The following PRDM16 variants were observed in gnomAD, a reference collection of about 807,000 sequenced individuals.
PRDM16 encodes histone-lysine N-methyltransferase PRDM16.
In PRDM16, 23 loss-of-function variants were observed where a neutral mutation model predicts 110.6. The ratio of observed to expected loss-of-function variants is 0.21; its 90% CI spans 0.15 to 0.29. The LOEUF is 0.29. Among genes scored for constraint, PRDM16 ranks in the 10% least tolerant of loss-of-function variants. The pLI, the probability that PRDM16 is intolerant of heterozygous loss-of-function variation, is 1.00. For synonymous variants in PRDM16, 799 were observed against 781.8 expected, an observed-to-expected ratio of 1.02 and a Z score of -0.37; for missense variants, 1,615 against 1,794.3, an observed-to-expected ratio of 0.90 and a Z score of 1.81.
In PRDM16 at chr1:3,390,654, C is replaced by T. The variant is rs754464749; in HGVS notation, c.573+5368C>T. Among the ~76,000 whole-genome samples, 9 of 152,062 alleles carry T rather than the reference C, an allele frequency of 5.9e-5. No homozygotes were observed. The highest frequency in any genetic ancestry group is 2.2e-4 in the African/African-American group (9 of 41,406). On this transcript the variant is annotated intron_variant, in intron 4 of 16. Transcript: ENST00000270722. The surrounding 1 kb of genome is among the most constrained non-coding windows in gnomAD (Gnocchi z 5.0). Reference sequence around the variant, plus strand: ...GAGAACCAGGTGTCTCTCGGGTCGGCGGAGGGCATTTCTCTTTTGCTTTGC... The same window carrying T: ...GAGAACCAGGTGTCTCTCGGGTCGGTGGAGGGCATTTCTCTTTTGCTTTGC...
At chr1:3,216,561 T>C (rs1231560100) in intron 2 of PRDM16, among the ~76,000 whole-genome samples, 5 of 152,198 alleles carry the variant, frequency 3.3e-5, no homozygotes, top group African/African-American at 1.2e-4. Flanking sequence ...CCAGGCCTAG[T>C]TGTCACATCA....
chr1:3,238,817 A>C (rs953922612), intron 2 of PRDM16, among the ~76,000 whole-genome samples: 1 of 152,210 alleles, frequency 6.6e-6, no homozygotes, highest in African/African-American at 2.4e-5. Flanking sequence ...GTCCTGCCGG[A>C]GCACACTCCT....
intron 3 of PRDM16, among the ~76,000 whole-genome samples, chr1:3,285,784 A>G (rs1328844579): frequency 6.6e-6 from 1 of 152,020 alleles, no homozygotes; most frequent in East Asian, 1.9e-4. Context: ...CCACCACCGG[A>G]CACCTGGCAT....
At chr1:3,078,057 G>A (rs1641938926) in intron 1 of PRDM16, among the ~76,000 whole-genome samples, 1 of 152,188 alleles carries the variant, frequency 6.6e-6, no homozygotes, top group South Asian at 2.1e-4. Context: ...CTGTCCTGGG[G>A]TGGAAACAGC....
intron 5 of PRDM16, among the ~76,000 whole-genome samples, chr1:3,398,545 G>A (rs1233934846): frequency 1.3e-5 from 2 of 152,236 alleles, no homozygotes; most frequent in African/African-American, 2.4e-5. Context: ...GCAGGGACTT[G>A]GAGGAGGCTC....
rs567816565 is a variant in PRDM16 at position 3,213,262 on chromosome 1, A to C, written c.387+26788A>C. 2.9e-4 allele frequency among the ~76,000 whole-genome samples: 44 copies of C among 152,292 alleles called. No individual in the cohort carries two copies. The South Asian group carries it at 3.9e-3, about 14-fold the overall frequency. ...AAATGGAGAAGAAACCACCTTCCCA[A>C]ATCTTTATGAATTAAACATGGCATG... On this transcript the variant is annotated intron_variant, in intron 2 of 16. Coordinates refer to ENST00000270722, the MANE Select transcript of PRDM16 (RefSeq NM_022114.4). The surrounding 1 kb of genome is among the most constrained non-coding windows in gnomAD (Gnocchi z 5.3).
At chr1:3,335,478 A>G (rs1193725688) in intron 3 of PRDM16, among the ~76,000 whole-genome samples, 1 of 152,198 alleles carries the variant, frequency 6.6e-6, no homozygotes, top group Non-Finnish European at 1.5e-5. Context: ...AGCGTGCTCA[A>G]CAGGATTCTA....
At chr1:3,268,589 A>G (rs1489515655) in intron 3 of PRDM16, among the ~76,000 whole-genome samples, 3 of 152,078 alleles carry the variant, frequency 2.0e-5, no homozygotes, top group African/African-American at 7.2e-5. Context: ...CCTCATTCCT[A>G]TAGCTAGCTT....
intron 1 of PRDM16, among the ~76,000 whole-genome samples, chr1:3,145,271 T>A (rs1643625227): frequency 6.6e-6 from 1 of 152,050 alleles, no homozygotes; most frequent in Non-Finnish European, 1.5e-5. Context: ...CGGTGTCAGT[T>A]CCTCAAAGCA....
At position 3,358,222 on chromosome 1, in the gene PRDM16, G is replaced by A. The variant is rs1471580373; in HGVS notation, c.439-26930G>A. Among the ~76,000 whole-genome samples, 1 of 152,230 alleles carries A rather than the reference G, an allele frequency of 6.6e-6. No homozygotes were observed. Among genetic ancestry groups the A allele is most frequent in the Non-Finnish European group, 1.5e-5 (1 of 68,040 alleles). ...TGGAGGGAAGTTTGTCTTCCTCCCT[G>A]TACACAGATAAAGTCACCATGAGAC... On this transcript the variant is annotated intron_variant, in intron 3 of 16. Transcript: ENST00000270722. The surrounding 1 kb of genome is among the most constrained non-coding windows in gnomAD (Gnocchi z 4.0).
chr1:3,346,065 A>C (rs1642357428), intron 3 of PRDM16, among the ~76,000 whole-genome samples: 1 of 152,248 alleles, frequency 6.6e-6, no homozygotes, highest in Non-Finnish European at 1.5e-5. Context: ...TTCTCCGTCA[A>C]CACCCACAAT....
chr1:3,220,396 C>T (rs886805988), intron 2 of PRDM16, among the ~76,000 whole-genome samples: 5 of 152,200 alleles, frequency 3.3e-5, no homozygotes, highest in Non-Finnish European at 5.9e-5. Flanking sequence ...GCCCTCCCCG[C>T]GTCTGCCACC....
At chr1:3,180,024 C>T (rs942921133) in intron 1 of PRDM16, among the ~76,000 whole-genome samples, 1 of 152,052 alleles carries the variant, frequency 6.6e-6, no homozygotes, top group African/African-American at 2.4e-5. Flanking sequence ...ACTTTCCTGT[C>T]CCTTCCGTCT....
chr1:3,380,313 C>T (rs900522553), intron 3 of PRDM16, among the ~76,000 whole-genome samples: 3 of 151,998 alleles, frequency 2.0e-5, no homozygotes, highest in African/African-American at 4.8e-5. Flanking sequence ...TCAGTCACCC[C>T]AGGGGGCCCA....
rs1238394877 is a variant in PRDM16, at chr1:3,157,242, C to T, written c.38-28883C>T. Reference sequence around the variant, plus strand: ...GGCCCTCAGGGAGCGTGGCCAGATCCGGCAGATGAAATCCAGGACACCCAG... The same window carrying T: ...GGCCCTCAGGGAGCGTGGCCAGATCTGGCAGATGAAATCCAGGACACCCAG... On this transcript the variant is annotated intron_variant, in intron 1 of 16. Transcript: ENST00000270722. This position sits in a 1 kb window ranked among gnomAD's most constrained non-coding sequence, Gnocchi z 4.8. 1.3e-5 allele frequency among the ~76,000 whole-genome samples: 2 copies of T among 152,108 alleles called. No homozygotes were observed. The highest frequency in any genetic ancestry group is 3.9e-4 in the East Asian group (2 of 5,180).
chr1:3,324,168 C>T (rs1019292919), intron 3 of PRDM16, among the ~76,000 whole-genome samples: 2 of 151,998 alleles, frequency 1.3e-5, no homozygotes, highest in African/African-American at 4.8e-5. Flanking sequence ...GGGTCTCCGT[C>T]TCTCCCTCCG....
chr1:3,089,544 C>A (rs1479786225), intron 1 of PRDM16, among the ~76,000 whole-genome samples: 1 of 152,262 alleles, frequency 6.6e-6, no homozygotes, highest in Non-Finnish European at 1.5e-5. Context: ...CAAGCATCTC[C>A]AGGCCAGAAA....
intron 2 of PRDM16, among the ~76,000 whole-genome samples, chr1:3,221,737 A>G (rs984583659): frequency 2.6e-5 from 4 of 152,258 alleles, no homozygotes; most frequent in Non-Finnish European, 5.9e-5. Context: ...ATACACATGC[A>G]CAGACGCACA....
In PRDM16 at chr1:3,288,306, G is replaced by A. The variant is rs1179703797; in HGVS notation, c.438+44169G>A. 2.0e-5 allele frequency among the ~76,000 whole-genome samples: 3 copies of A among 152,160 alleles called. No homozygotes were observed. In the East Asian group the frequency reaches 5.8e-4, roughly 29 times the overall value. On this transcript the variant is annotated intron_variant, in intron 3 of 16. Coordinates refer to ENST00000270722, the MANE Select transcript of PRDM16 (RefSeq NM_022114.4). Reference sequence around the variant, plus strand: ...GTGAGGAGGTCCCTGGGTGTCCTGTGTGGACCCAGGCTCAGGGGCAAGGCC... The same window carrying A: ...GTGAGGAGGTCCCTGGGTGTCCTGTATGGACCCAGGCTCAGGGGCAAGGCC...
Sources: gnomAD v4.1 joint callset for allele counts (sites outside exome capture counted in the v4.1 genomes callset) on GRCh38, gnomAD v4.1.1 for gene constraint, Gnocchi (gnomAD v3.1) non-coding constraint, MANE v1.5 for transcripts, NCBI Gene and HGNC (gene_info 2026-07-23, HGNC 2026-07-21) for gene names.